Variants in RUVBL2 observed in about 807,000 individuals in gnomAD.
The protein encoded by RUVBL2 is RuvB like AAA ATPase 2.
RUVBL2 carries 9 observed loss-of-function variants against 57.9 expected under a neutral mutation model. That is an observed-to-expected ratio of 0.16 (90% confidence interval 0.09 to 0.27). RUVBL2 has a LOEUF of 0.27. Among genes scored for constraint, RUVBL2 ranks in the 10% least tolerant of loss-of-function variants. The probability of loss-of-function intolerance (pLI) is 1.00; values close to 1 mark genes in which losing one functional copy is unlikely to be tolerated. For missense variants in RUVBL2, 456 were observed against 669.6 expected (o/e 0.68, Z 3.52); for synonymous variants, 278 against 264.6 (o/e 1.05, Z -0.49).
chr19:49,014,413 G>C (rs1165163032), intron 11 of RUVBL2, 71 bp from the exon 12 acceptor site: 1 of 1,556,014 alleles, frequency 6.4e-7, no homozygotes. Context: ...TGGGAGGTGA[G>C]AGTGTTCCCA....
intron 4 of RUVBL2, among the ~76,000 whole-genome samples, chr19:49,006,105 T>A (rs1278788642): frequency 6.6e-6 from 1 of 152,238 alleles, no homozygotes; most frequent in African/African-American, 2.4e-5. Context: ...GGACCCCTGG[T>A]GTCCCCAGAT....
chr19:49,015,767 G>T lies in RUVBL2; in HGVS notation c.1367-50G>T, dbSNP rs758281537. 4.3e-6 allele frequency: 7 copies of T among 1,613,418 alleles called. No individual in the cohort carries two copies. In the South Asian group the frequency reaches 6.6e-5, roughly 15 times the overall value. On this transcript the variant is annotated intron_variant, in intron 14 of 14. Transcript: ENST00000595090. ...AGGGAGCTCGGCGTAGAAGGCTCAG[G>T]CCCTGCCACCTGGGCGACACTGACC...
chr19:48,999,234 G>A, intron 1 of RUVBL2, 85 bp from the exon 2 acceptor site: 5 of 1,428,472 alleles, frequency 3.5e-6, no homozygotes, highest in African/African-American at 2.8e-5. Context: ...GGAGTGGAAA[G>A]GACCATCTCA....
chr19:49,015,693 A>C lies in RUVBL2; in HGVS notation c.1366+7A>C, dbSNP rs1459657976. ...TTCCTCTTCAACGAACTCAGTAAGA[A>C]TCCCCACCCCGCACCTGCACTGCCA... On this transcript the variant is annotated splice_region_variant and intron_variant, in intron 14 of 14. Coordinates refer to ENST00000595090, the MANE Select transcript of RUVBL2 (RefSeq NM_006666.3). 2 of 1,612,886 alleles carry C rather than the reference A, an allele frequency of 1.2e-6. No homozygotes were observed. Among genetic ancestry groups the C allele is most frequent in the Non-Finnish European group, 1.7e-6 (2 of 1,179,144 alleles).
intron 13 of RUVBL2, 89 bp from the exon 14 acceptor site, chr19:49,015,483 G>T (rs1243407700): frequency 5.8e-6 from 6 of 1,042,396 alleles, no homozygotes; most frequent in Non-Finnish European, 7.5e-6. Flanking sequence ...ACACTCTGCT[G>T]CCTAGAGCAT....
intron 1 of RUVBL2, chr19:48,995,017 GA>G (rs1293930318): frequency 6.6e-6 from 1 of 152,312 alleles, no homozygotes; most frequent in Non-Finnish European, 1.5e-5. Context: ...TGGAGGAAGG[GA>G]GGGGGAGAAA....
At chr19:49,010,208 C>G (rs1255597866) in intron 8 of RUVBL2, 142 bp downstream of exon 8, 2 of 846,644 alleles carry the variant, frequency 2.4e-6, no homozygotes, top group Admixed American at 2.2e-5. Context: ...TCCCTGTAAC[C>G]CTAGGACAGC....
rs766947238 is a variant in RUVBL2 at position 49,007,329 on chromosome 19, G to A, written c.423G>A (p.Glu141=). 1.2e-6 allele frequency: 2 copies of A among 1,614,094 alleles called. No individual in the cohort carries two copies. The highest frequency in any genetic ancestry group is 1.7e-6 in the Non-Finnish European group (2 of 1,180,004). The change falls in exon 6 of 15, where the codon GAG becomes GAA. Residue 141 remains glutamate, a synonymous_variant. Coordinates refer to ENST00000595090, the MANE Select transcript of RUVBL2 (RefSeq NM_006666.3). ...IKEETEIIEG[E]VVEIQIDRPA... ...AGGAGACGGAGATCATCGAAGGGGA[G>A]GTGGTGGAGATCCAGATTGATCGAC...
rs960387496 is a variant in RUVBL2 at position 49,004,972 on chromosome 19, T to TA, written c.265+567dup. Among the ~76,000 whole-genome samples, 1,078 of 139,890 alleles carry TA rather than the reference T, an allele frequency of 7.7e-3. 6 individuals are homozygous for TA. Among genetic ancestry groups the TA allele is most frequent in the African/African-American group, 0.021 (819 of 38,474 alleles). The allele number at this position is 139,890 out of a possible 152,430, so 91.8% of individuals were successfully genotyped here. A position where few individuals can be genotyped will look rare whatever the true frequency, so the allele number is the denominator to read the frequency against. ...AAAGGTTGTTGTAAAAATAAAAAAT[T>TA]AAAAAAAAAAAAACAGGAAAGAAAA... On this transcript the variant is annotated intron_variant, in intron 4 of 14. Transcript: ENST00000595090.
At chr19:48,999,452 TA>T (rs1232032706) in intron 2 of RUVBL2, 79 bp downstream of exon 2, 33 of 1,462,356 alleles carry the variant, frequency 2.3e-5, no homozygotes, top group African/African-American at 4.2e-5. Flanking sequence ...TGAGGACCCC[TA>T]AGATGGAGAG....
intron 4 of RUVBL2, 75 bp from the exon 5 acceptor site, chr19:49,006,943 C>G: frequency 6.4e-7 from 1 of 1,571,844 alleles, no homozygotes. Flanking sequence ...GGGAGAAAAG[C>G]TAGTTTGCCA....
At chr19:49,015,785 C>T in intron 14 of RUVBL2, 32 bp from the exon 15 acceptor site, 1 of 1,613,918 alleles carries the variant, frequency 6.2e-7, no homozygotes, top group Non-Finnish European at 8.5e-7. Context: ...ACCTGGGCGA[C>T]ACTGACCATG....
chr19:49,009,486 C>CAA (rs960951097), intron 6 of RUVBL2, among the ~76,000 whole-genome samples: 31 of 141,400 alleles, frequency 2.2e-4, no homozygotes, highest in African/African-American at 8.0e-4. Flanking sequence ...GACTCCGTCT[C>CAA]AAAAAAAAAA....
At chr19:48,996,502 C>CTG (rs72341497) in intron 1 of RUVBL2, among the ~76,000 whole-genome samples, 41,764 of 137,928 alleles carry the variant, frequency 0.3, 6,065 homozygotes, top group South Asian at 0.33. Context: ...ATTTTTGTAT[C>CTG]TGTGTGTGTG....
intron 4 of RUVBL2, 37 bp downstream of exon 4, chr19:49,004,455 C>T (rs766325210): frequency 1.9e-6 from 3 of 1,583,244 alleles, no homozygotes; most frequent in Non-Finnish European, 2.6e-6. Context: ...CTCCTGTTTC[C>T]TGCTAAATAA....
intron 4 of RUVBL2, among the ~76,000 whole-genome samples, chr19:49,005,328 G>A (rs1482076881): frequency 6.6e-6 from 1 of 152,218 alleles, no homozygotes; most frequent in Non-Finnish European, 1.5e-5. Flanking sequence ...CCATAGATGA[G>A]TTAGACCAAG....
intron 11 of RUVBL2, among the ~76,000 whole-genome samples, chr19:49,013,650 C>T (rs1228192772): frequency 6.6e-6 from 1 of 152,200 alleles, no homozygotes; most frequent in Non-Finnish European, 1.5e-5. Context: ...CGCGGTAGCT[C>T]ACACCTGTAA....
At chr19:49,015,457 C>T (rs944896106) in intron 13 of RUVBL2, 115 bp from the exon 14 acceptor site, 1 of 880,776 alleles carries the variant, frequency 1.1e-6, no homozygotes, top group Non-Finnish European at 1.9e-6. Flanking sequence ...CCCAGAATGC[C>T]CTCCCCTCAC....
intron 6 of RUVBL2, among the ~76,000 whole-genome samples, chr19:49,007,829 C>T (rs747517763): frequency 1.3e-5 from 2 of 151,996 alleles, no homozygotes; most frequent in Non-Finnish European, 2.9e-5. Context: ...CTCAGCCTTC[C>T]GAGTAGCTGA....
Sources: allele counts gnomAD v4.1 joint callset (sites outside exome capture counted in the v4.1 genomes callset), GRCh38; gene constraint gnomAD v4.1.1; transcripts MANE v1.5; gene names NCBI Gene and HGNC (gene_info 2026-07-23, HGNC 2026-07-21).